The following KCP variants were observed in gnomAD, a reference collection of about 807,000 sequenced individuals.
The protein encoded by KCP is kielin/chordin-like protein.
KCP carries 194 observed loss-of-function variants against 212.7 expected under a neutral mutation model. The ratio of observed to expected loss-of-function variants is 0.91; its 90% CI spans 0.81 to 1.03. The LOEUF (loss-of-function observed/expected upper bound fraction) is 1.03. Ranked by LOEUF, KCP falls within the 50% of genes least tolerant of loss-of-function variation. The pLI is 0.00. For missense variants in KCP, 2,080 were observed against 2,162.5 expected, an observed-to-expected ratio of 0.96 and a Z score of 0.76; for synonymous variants, 833 against 865.3, an observed-to-expected ratio of 0.96 and a Z score of 0.65.
intron 8 of KCP, among the ~76,000 whole-genome samples, chr7:128,897,070 C>A (rs1794576121): frequency 6.6e-6 from 1 of 152,056 alleles, no homozygotes; most frequent in African/African-American, 2.4e-5. Flanking sequence ...TAGTAATAAT[C>A]ACTGTTTATT....
chr7:128,887,029 C>A, intron 23 of KCP, 63 bp from the exon 24 acceptor site: 1 of 1,064,728 alleles, frequency 9.4e-7, no homozygotes. Context: ...GCTGGAGCCC[C>A]TACTGAGCCT....
chr7:128,884,074 G>T lies in KCP; in HGVS notation c.3172C>A (p.Pro1058Thr). Residue 1058 changes from proline to threonine, a missense_variant, in exon 29 of 40, where the codon CCC (proline) becomes ACC (threonine). Transcript: ENST00000610776. Reference sequence around the variant, plus strand: ...CTGGGGGGGCAGCCCACCAGGCTGGGACACTGCCGCCGGTGACAGCGAAGG... The same window carrying T: ...CTGGGGGGGCAGCCCACCAGGCTGGTACACTGCCGCCGGTGACAGCGAAGG... Reference protein sequence around the residue: ...PSLRCHRRQCPSLVGCPPSQL... With the variant: ...PSLRCHRRQCTSLVGCPPSQL... The T allele has an allele frequency of 6.5e-7, 1 of 1,543,476 alleles. No individual in the cohort carries two copies. Among genetic ancestry groups the T allele is most frequent in the Non-Finnish European group, 8.7e-7 (1 of 1,144,948 alleles).
intron 28 of KCP, among the ~76,000 whole-genome samples, chr7:128,884,555 G>A (rs1314036339): frequency 2.6e-5 from 4 of 152,204 alleles, no homozygotes; most frequent in Non-Finnish European, 5.9e-5. Context: ...AGCCAGGGGG[G>A]CCACCTACGG....
At chr7:128,884,716 T>A (rs781290610) in intron 28 of KCP, 65 bp downstream of exon 28, 27 of 1,425,368 alleles carry the variant, frequency 1.9e-5, no homozygotes, top group Non-Finnish European at 2.5e-5. Context: ...TGGCTGGGCC[T>A]CATCCCATGC....
intron 31 of KCP, among the ~76,000 whole-genome samples, 159 bp from the exon 32 acceptor site, chr7:128,881,244 GACATCAGGCCTC>G (rs1329469408): frequency 6.6e-6 from 1 of 152,208 alleles, no homozygotes; most frequent in Non-Finnish European, 1.5e-5. Context: ...GGGCCTATTA[GACATCAGGCCTC>G]ACATCAGAGC....
chr7:128,889,773 G>A (rs893730585), intron 21 of KCP, among the ~76,000 whole-genome samples: 4 of 152,118 alleles, frequency 2.6e-5, no homozygotes, highest in Admixed American at 6.6e-5. Context: ...GGCCAAGATC[G>A]CACAAGAGTG....
rs1204775399 is a variant in KCP, at chr7:128,887,224, G to A, written c.2589C>T (p.Cys863=). Reference sequence around the variant, plus strand: ...AAAGGGGCTGCCTCACCTGGCAGGTGCAGAGGGAGCAGGTAGGGTCAAGTG... The same window carrying A: ...AAAGGGGCTGCCTCACCTGGCAGGTACAGAGGGAGCAGGTAGGGTCAAGTG... ...PDPLDPTCSL[C]TCQEGSMRCQ... is the part of the protein sequence containing the mutation. The change falls in exon 23 of 40, where the codon TGC becomes TGT. Residue 863 remains cysteine (C), a synonymous_variant. Coordinates refer to ENST00000610776, the MANE Select transcript of KCP (RefSeq NM_001366122.1). 3 of 1,551,328 alleles carry A rather than the reference G, an allele frequency of 1.9e-6. No homozygotes were observed. In the African/African-American group the frequency reaches 4.1e-5, roughly 21 times the overall value.
chr7:128,887,395 C>T (rs1014635531), intron 22 of KCP, 95 bp from the exon 23 acceptor site: 2 of 904,234 alleles, frequency 2.2e-6, no homozygotes, highest in Non-Finnish European at 1.8e-6. Context: ...ACATACACAG[C>T]CACAGCCACA....
At chr7:128,879,205 A>G in intron 37 of KCP, 2 of 418,390 alleles carry the variant, frequency 4.8e-6, no homozygotes, top group Admixed American at 3.8e-5. Flanking sequence ...AGGAGACTTC[A>G]GCTGACATCC....
At chr7:128,886,289 G>A (rs1216271204) in intron 26 of KCP, among the ~76,000 whole-genome samples, 175 bp downstream of exon 26, 1 of 152,120 alleles carries the variant, frequency 6.6e-6, no homozygotes, top group Non-Finnish European at 1.5e-5. Context: ...GATGGTCTGG[G>A]CAGTCCCGGA....
In KCP at chr7:128,880,006, T is replaced by C; in HGVS notation, c.3839A>G (p.Asp1280Gly). 6.5e-7 allele frequency: 1 copy of C among 1,549,278 alleles called. No homozygotes were observed. The highest frequency in any genetic ancestry group is 2.4e-5 in the East Asian group (1 of 40,884). Residue 1280 changes from aspartate (D) to glycine (G), a missense_variant, in exon 35 of 40, where the codon GAC (aspartate) becomes GGC (glycine). By Grantham distance (94) the Asp-to-Gly change is moderately conservative. Coordinates refer to ENST00000610776, the MANE Select transcript of KCP (RefSeq NM_001366122.1). ...GCCGTCGAAGGTGCGGTAATGGGGG[T>C]CTCCGAAGGCCATGCAGGAAGCGGG... is the stretch of plus-strand genomic sequence containing the variant. ...PRPASCMAFG[D>G]PHYRTFDGRL...
At position 128,884,977 on chromosome 7, in the gene KCP, A is replaced by G. The variant is rs575869526; in HGVS notation, c.3041-114T>C. 4.7e-5 allele frequency: 70 copies of G among 1,493,850 alleles called. No homozygotes were observed. The South Asian group carries it at 7.5e-4, about 16-fold the overall frequency. The allele number at this position is 1,493,850 out of a possible 1,614,324, so 92.5% of individuals were successfully genotyped here. On this transcript the variant is annotated intron_variant, in intron 27 of 39. Coordinates refer to ENST00000610776, the MANE Select transcript of KCP (RefSeq NM_001366122.1). ...CCTGATCCCAGGGAGTGGAGTGTGC[A>G]CAAGGACGGAGGCCACTTCTCCAAC...
intron 21 of KCP, 104 bp downstream of exon 21, chr7:128,890,239 T>TA: frequency 6.5e-7 from 1 of 1,543,010 alleles, no homozygotes; most frequent in South Asian, 1.2e-5. Flanking sequence ...TTTCTTACTG[T>TA]AATAAATATT....
Position 128,885,267 on chromosome 7 carries a change from C to A in KCP, c.2870G>T (p.Cys957Phe), listed in dbSNP as rs768772536. Residue 957 changes from cysteine to phenylalanine, a missense_variant, in exon 27 of 40, where the codon TGC becomes TTC. Cys to Phe is a radical substitution (Grantham distance 205, BLOSUM62 -2). Coordinates refer to ENST00000610776, the MANE Select transcript of KCP (RefSeq NM_001366122.1). ...GGGGTGCTCTTCCCCATGAGCCAGG[C>A]AGCCTGTGGTGCAAAGTGGGCAGGG... ...RGSCCPRCRG[C>F]LAHGEEHPEG... The A allele has an allele frequency of 1.6e-5, 25 of 1,541,820 alleles. No individual in the cohort carries two copies. The highest frequency in any genetic ancestry group is 2.1e-5 in the Non-Finnish European group (24 of 1,140,290).
At chr7:128,908,709 G>A in intron 1 of KCP, 141 bp from the exon 2 acceptor site, 2 of 918,016 alleles carry the variant, frequency 2.2e-6, no homozygotes, top group African/African-American at 1.7e-5. Context: ...CCACCATCCA[G>A]GGCCGGGAAG....
Position 128,906,630 on chromosome 7 carries a change from C to A in KCP, c.487-267G>T, listed in dbSNP as rs111799617. 4.5e-3 allele frequency among the ~76,000 whole-genome samples: 682 copies of A among 152,020 alleles called. 5 individuals carry two copies. The highest frequency in any genetic ancestry group is 0.016 in the African/African-American group (662 of 41,466). On this transcript the variant is annotated intron_variant, in intron 4 of 39. Transcript: ENST00000610776. ...AGAGGGGAGATCCTAGGAAGAAGAC[C>A]GAAGACTTTCTCAGGGAGGAAGGAG...
At chr7:128,896,977 G>A (rs1317138383) in intron 8 of KCP, among the ~76,000 whole-genome samples, 1 of 151,380 alleles carries the variant, frequency 6.6e-6, no homozygotes, top group African/African-American at 2.4e-5. Flanking sequence ...TCTTTCTCTG[G>A]CCTCCCTGAG....
chr7:128,881,318 C>T (rs1793320549), intron 31 of KCP, among the ~76,000 whole-genome samples: 1 of 152,246 alleles, frequency 6.6e-6, no homozygotes, highest in African/African-American at 2.4e-5. Context: ...GCTGGAACCC[C>T]ACTCTGGGCC....
In KCP at chr7:128,887,313, G is replaced by A. The variant is rs1449696394; in HGVS notation, c.2513-13C>T. The stretch of plus-strand genomic sequence containing the variant: ...TGGTAGCGGCATCCTGGCAGAGCGG[G>A]GAGTCCAACAGAAGAGCTGCCATCA... On this transcript the variant is annotated splice_polypyrimidine_tract_variant and intron_variant, in intron 22 of 39. Transcript: ENST00000610776. The A allele has an allele frequency of 6.5e-7, 1 of 1,548,774 alleles. No individual in the cohort carries two copies. Among genetic ancestry groups the A allele is most frequent in the Non-Finnish European group, 8.7e-7 (1 of 1,145,030 alleles).
Sources: allele counts gnomAD v4.1 joint callset (sites outside exome capture counted in the v4.1 genomes callset), GRCh38; gene constraint gnomAD v4.1.1; transcripts MANE v1.5; gene names NCBI Gene and HGNC (gene_info 2026-07-23, HGNC 2026-07-21).